Variants in ARL15 observed in about 807,000 individuals in gnomAD.
ARL15 encodes ARF like GTPase 15.
ARL15 carries 19 observed loss-of-function variants against 25.2 expected under a neutral mutation model. The observed-to-expected ratio is 0.75, with a 90% CI of 0.53 to 1.10. The LOEUF (loss-of-function observed/expected upper bound fraction) is 1.10. ARL15 is among the 50% of genes least tolerant of loss of function. The pLI, the probability that ARL15 is intolerant of heterozygous loss-of-function variation, is 0.00. For missense variants in ARL15, 220 were observed against 246.0 expected, an observed-to-expected ratio of 0.89 and a Z score of 0.71; for synonymous variants, 94 against 86.8, an observed-to-expected ratio of 1.08 and a Z score of -0.46.
intron 4 of ARL15, among the ~76,000 whole-genome samples, chr5:54,057,414 AAC>A (rs758841969): frequency 1.3e-5 from 2 of 152,226 alleles, no homozygotes; most frequent in African/African-American, 4.8e-5. Flanking sequence ...GGCAGGTTTT[AAC>A]ACACAACTGT....
chr5:54,063,530 TACACTGATGGCACAGC>T, intron 4 of ARL15, among the ~76,000 whole-genome samples: 1 of 152,194 alleles, frequency 6.6e-6, no homozygotes, highest in East Asian at 1.9e-4. Flanking sequence ...AGCACAATGG[TACACTGATGGCACAGC>T]ACCTGAATTT....
chr5:54,302,915 G>A (rs1758652057), intron 1 of ARL15, among the ~76,000 whole-genome samples: 1 of 151,812 alleles, frequency 6.6e-6, no homozygotes. Context: ...GATGACAGGG[G>A]AGAGCCACAA....
chr5:54,054,446 A>T (rs1457983972), intron 4 of ARL15, among the ~76,000 whole-genome samples: 2 of 152,242 alleles, frequency 1.3e-5, no homozygotes, highest in Admixed American at 1.3e-4. Flanking sequence ...GAAATATTAC[A>T]CAAAAGTGAA....
chr5:53,896,697 T>G (rs1744885971), intron 4 of ARL15, among the ~76,000 whole-genome samples: 1 of 151,994 alleles, frequency 6.6e-6, no homozygotes, highest in Admixed American at 6.6e-5. Context: ...GGGGTTTCAC[T>G]GTGTTAGCCA....
chr5:54,184,155 C>T (rs1349505585), intron 1 of ARL15, among the ~76,000 whole-genome samples: 4 of 122,394 alleles, frequency 3.3e-5, no homozygotes, highest in Non-Finnish European at 5.0e-5. Context: ...TGCTAAATGA[C>T]GAATTAATGG....
chr5:54,226,674 T>C (rs1403853769), intron 1 of ARL15, among the ~76,000 whole-genome samples: 1 of 151,958 alleles, frequency 6.6e-6, no homozygotes, highest in African/African-American at 2.4e-5. Context: ...AAAAAATGAG[T>C]AAAACCTTTA....
intron 2 of ARL15, among the ~76,000 whole-genome samples, chr5:54,164,040 T>G (rs1244381133): frequency 6.6e-6 from 1 of 152,052 alleles, no homozygotes; most frequent in Non-Finnish European, 1.5e-5. Context: ...TTTCTTAAAG[T>G]CCCGTTTTAT....
chr5:54,277,523 G>A (rs974627280), intron 1 of ARL15, among the ~76,000 whole-genome samples: 12 of 152,102 alleles, frequency 7.9e-5, no homozygotes, highest in Non-Finnish European at 1.0e-4. Context: ...AGGCCGAGGC[G>A]GGCGGATCAC....
intron 4 of ARL15, among the ~76,000 whole-genome samples, chr5:54,103,808 T>C (rs1404092090): frequency 6.6e-6 from 1 of 152,216 alleles, no homozygotes; most frequent in African/African-American, 2.4e-5. Context: ...GTATCTCTTA[T>C]TACATGTTTT....
Position 54,158,256 on chromosome 5 carries a change from GTTTGAC to G in ARL15, c.194-3623_194-3618del, listed in dbSNP as rs1198487039. ...ACTCTTCCTATTCCATTTATTAACT[GTTTGAC>G]TTTGAGCAAGCTAACTTTGTTAGGG... On this transcript the variant is annotated intron_variant, in intron 2 of 4. Transcript: ENST00000504924. Among the ~76,000 whole-genome samples the G allele has an allele frequency of 9.2e-5, 14 of 152,280 alleles. No homozygotes were observed. The East Asian group carries it at 2.1e-3, about 23-fold the overall frequency.
chr5:54,266,959 A>T (rs1757639533), intron 1 of ARL15, among the ~76,000 whole-genome samples: 1 of 152,254 alleles, frequency 6.6e-6, no homozygotes, highest in African/African-American at 2.4e-5. Context: ...AGTAATTTCC[A>T]TATATTCCCT....
chr5:54,031,590 A>C (rs1483799097), intron 4 of ARL15, among the ~76,000 whole-genome samples: 1 of 152,186 alleles, frequency 6.6e-6, no homozygotes. Context: ...TTGAGAAATA[A>C]AGCTGTGTTA....
chr5:53,955,426 G>T (rs1747113756), intron 4 of ARL15, among the ~76,000 whole-genome samples: 1 of 152,094 alleles, frequency 6.6e-6, no homozygotes, highest in Admixed American at 6.5e-5. Flanking sequence ...AACTGGAATA[G>T]ATTTTACAGT....
chr5:53,970,524 A>G (rs1160130010), intron 4 of ARL15, among the ~76,000 whole-genome samples: 1 of 151,950 alleles, frequency 6.6e-6, no homozygotes, highest in Non-Finnish European at 1.5e-5. Context: ...GCGAGAGAGA[A>G]CTCCGTTTTT....
chr5:54,036,382 CT>C (rs1281046383), intron 4 of ARL15, among the ~76,000 whole-genome samples: 4 of 151,986 alleles, frequency 2.6e-5, no homozygotes, highest in Non-Finnish European at 5.9e-5. Context: ...AATAGAAATG[CT>C]TTTTATTTAA....
At chr5:54,013,091 C>A (rs769020933) in intron 4 of ARL15, among the ~76,000 whole-genome samples, 5 of 152,220 alleles carry the variant, frequency 3.3e-5, no homozygotes, top group Admixed American at 1.3e-4. Context: ...TGAGCCACCA[C>A]GCCCGGACTT....
chr5:54,171,447 G>C (rs1754716322), intron 2 of ARL15, among the ~76,000 whole-genome samples: 1 of 152,088 alleles, frequency 6.6e-6, no homozygotes, highest in Admixed American at 6.5e-5. Context: ...AGGCTGGAGT[G>C]ACACTTCAAG....
chr5:54,161,650 T>G (rs1434478135), intron 2 of ARL15, among the ~76,000 whole-genome samples: 1 of 152,226 alleles, frequency 6.6e-6, no homozygotes, highest in Admixed American at 6.5e-5. Flanking sequence ...AGATTCTAGA[T>G]GTTATTTGTA....
At chr5:54,162,984 G>T (rs1360300790) in intron 2 of ARL15, among the ~76,000 whole-genome samples, 1 of 152,104 alleles carries the variant, frequency 6.6e-6, no homozygotes, top group Non-Finnish European at 1.5e-5. Flanking sequence ...TTCCTGATCT[G>T]ATCAGGAAAC....
Sources: allele counts gnomAD v4.1 joint callset (sites outside exome capture counted in the v4.1 genomes callset), GRCh38; gene constraint gnomAD v4.1.1; transcripts MANE v1.5; gene names NCBI Gene and HGNC (gene_info 2026-07-23, HGNC 2026-07-21).